RAMP3: variants seen among roughly 807,000 people sequenced by gnomAD.
RAMP3 encodes the protein receptor activity-modifying protein 3.
RAMP3 carries 14 observed loss-of-function variants against 13.5 expected under a neutral mutation model. That is an observed-to-expected ratio of 1.04 (90% CI 0.69 to 1.63). The LOEUF (loss-of-function observed/expected upper bound fraction) is 1.63. Ranked by LOEUF, RAMP3 falls within the 40% of genes most tolerant of loss-of-function variation. RAMP3 has a pLI of 0.00. For synonymous variants in RAMP3, 106 were observed against 88.3 expected, an observed-to-expected ratio of 1.20 and a Z score of -1.12; for missense variants, 200 against 204.8, an observed-to-expected ratio of 0.98 and a Z score of 0.14.
At chr7:45,159,938 G>T (rs1010503603) in intron 1 of RAMP3, among the ~76,000 whole-genome samples, 1 of 152,188 alleles carries the variant, frequency 6.6e-6, no homozygotes, top group Non-Finnish European at 1.5e-5. Context: ...ATCATTAAAT[G>T]ATGTCCTGCT....
At chr7:45,166,627 A>T (rs1562952551) in intron 1 of RAMP3, among the ~76,000 whole-genome samples, 1 of 151,954 alleles carries the variant, frequency 6.6e-6, no homozygotes, top group Admixed American at 6.6e-5. Context: ...CACTCTCTTG[A>T]TGCTATCCTT....
intron 1 of RAMP3, among the ~76,000 whole-genome samples, chr7:45,174,227 G>A (rs370268524): frequency 3.9e-5 from 6 of 152,152 alleles, no homozygotes; most frequent in East Asian, 3.9e-4. Context: ...CTGGGCATCA[G>A]CCTCTCCATC....
Position 45,184,035 on chromosome 7 carries a change from C to T in RAMP3, c.*623C>T, listed in dbSNP as rs965629364. ...CTGCAGAGTCCATTCCATCATGATG[C>T]TGTGCCCGCTATGGGCTGTGTCCAT... is the stretch of plus-strand genomic sequence containing the variant. On this transcript the variant is annotated 3_prime_UTR_variant, in exon 3 of 3. Transcript: ENST00000242249. 6 of 406,162 alleles carry T rather than the reference C, an allele frequency of 1.5e-5. No homozygotes were observed. Among genetic ancestry groups the T allele is most frequent in the South Asian group, 2.3e-4 (2 of 8,598 alleles). 25.2% of individuals were successfully genotyped at this position (406,162 alleles called of 1,614,324 possible).
At chr7:45,180,314 G>C (rs1033260606) in intron 2 of RAMP3, among the ~76,000 whole-genome samples, 2 of 152,226 alleles carry the variant, frequency 1.3e-5, no homozygotes, top group African/African-American at 4.8e-5. Context: ...ATGCCCTGCA[G>C]CCCAGCTCAG....
At chr7:45,163,435 C>G (rs1785900503) in intron 1 of RAMP3, 1 of 985,182 alleles carries the variant, frequency 1.0e-6, no homozygotes, top group East Asian at 1.1e-4. Flanking sequence ...TTGGGATACA[C>G]AGAAGTGGGA....
chr7:45,175,877 G>A (rs2128657788), intron 1 of RAMP3, among the ~76,000 whole-genome samples: 1 of 152,320 alleles, frequency 6.6e-6, no homozygotes, highest in African/African-American at 2.4e-5. Context: ...CTCTTGAGGA[G>A]TGTCTGGGGC....
At chr7:45,160,056 G>A (rs1785833490) in intron 1 of RAMP3, among the ~76,000 whole-genome samples, 2 of 152,102 alleles carry the variant, frequency 1.3e-5, no homozygotes, top group Non-Finnish European at 2.9e-5. Flanking sequence ...TGGCCGGCCG[G>A]GTGCGGTGGC....
chr7:45,170,699 G>T (rs183156846), intron 1 of RAMP3, among the ~76,000 whole-genome samples: 2 of 152,074 alleles, frequency 1.3e-5, no homozygotes, highest in African/African-American at 4.8e-5. Flanking sequence ...AGGCTGGAGT[G>T]CAATGGTGTG....
Position 45,183,526 on chromosome 7 carries a change from G to A in RAMP3, c.*114G>A. 2.7e-6 allele frequency: 4 copies of A among 1,461,294 alleles called. No homozygotes were observed. Among genetic ancestry groups the A allele is most frequent in the Non-Finnish European group, 1.9e-6 (2 of 1,073,312 alleles). The allele number at this position is 1,461,294 out of a possible 1,614,324, so 90.5% of individuals were successfully genotyped here. On this transcript the variant is annotated 3_prime_UTR_variant, in exon 3 of 3. Coordinates refer to ENST00000242249, the MANE Select transcript of RAMP3 (RefSeq NM_005856.3). ...CAGCTACTGTGGCCACACCCCACCT[G>A]GTCATGGGCAGACCCCTCCCTTCCT...
chr7:45,181,008 C>T (rs1786298392), intron 2 of RAMP3, among the ~76,000 whole-genome samples: 1 of 152,254 alleles, frequency 6.6e-6, no homozygotes, highest in African/African-American at 2.4e-5. Context: ...GTGCTCAGCT[C>T]TGCCCCAAAC....
intron 1 of RAMP3, among the ~76,000 whole-genome samples, chr7:45,165,028 G>A (rs1047574586): frequency 3.3e-5 from 5 of 151,820 alleles, no homozygotes; most frequent in Non-Finnish European, 7.4e-5. Flanking sequence ...CTCCTTTTCT[G>A]CCTTCTTTTG....
intron 1 of RAMP3, among the ~76,000 whole-genome samples, chr7:45,165,344 A>G (rs1785939056): frequency 6.6e-6 from 1 of 152,234 alleles, no homozygotes; most frequent in Non-Finnish European, 1.5e-5. Context: ...GAATTTAGAC[A>G]TTGAGAAAAA....
chr7:45,183,598 C>T lies in RAMP3; in HGVS notation c.*186C>T. 1.3e-6 allele frequency: 1 copy of T among 793,430 alleles called. No homozygotes were observed. The highest frequency in any genetic ancestry group is 1.7e-5 in the South Asian group (1 of 57,374). The allele number at this position is 793,430 out of a possible 1,614,324, so 49.1% of individuals were successfully genotyped here. A position where few individuals can be genotyped will look rare whatever the true frequency, so the allele number is the denominator to read the frequency against. On this transcript the variant is annotated 3_prime_UTR_variant, in exon 3 of 3. Coordinates refer to ENST00000242249, the MANE Select transcript of RAMP3 (RefSeq NM_005856.3). ...GCCAGCCTGCTCCCTGGCTGAGGCTCAGGCTATCCGCCCAAGCTCTTTGCT... is the reference window on the plus strand; with the variant it reads ...GCCAGCCTGCTCCCTGGCTGAGGCTTAGGCTATCCGCCCAAGCTCTTTGCT...
chr7:45,179,232 C>T (rs1045791947), intron 2 of RAMP3, among the ~76,000 whole-genome samples: 2 of 152,132 alleles, frequency 1.3e-5, no homozygotes, highest in Non-Finnish European at 2.9e-5. Flanking sequence ...GCTGTCCTTT[C>T]TGAGGAGTGA....
intron 1 of RAMP3, 130 bp downstream of exon 1, chr7:45,158,016 G>A: frequency 1.1e-6 from 1 of 928,186 alleles, no homozygotes. Context: ...GGGGCGCACA[G>A]TGACCCTGGC....
intron 1 of RAMP3, among the ~76,000 whole-genome samples, chr7:45,169,869 A>T (rs1417124139): frequency 6.6e-6 from 1 of 152,228 alleles, no homozygotes; most frequent in East Asian, 1.9e-4. Context: ...TCAGAATCTG[A>T]GGTGTACTAG....
At chr7:45,163,434 A>C in intron 1 of RAMP3, 8 of 985,448 alleles carry the variant, frequency 8.1e-6, no homozygotes, top group Non-Finnish European at 9.6e-6. Context: ...CTTGGGATAC[A>C]CAGAAGTGGG....
At position 45,160,370 on chromosome 7, in the gene RAMP3, A is replaced by G. The variant is rs1188354195; in HGVS notation, c.58+2484A>G. Among the ~76,000 whole-genome samples, 13 of 130,934 alleles carry G rather than the reference A, an allele frequency of 9.9e-5. 1 individual carries two copies. Among genetic ancestry groups the G allele is most frequent in the African/African-American group, 4.2e-4 (13 of 31,064 alleles). The allele number at this position is 130,934 out of a possible 152,430, so 85.9% of individuals were successfully genotyped here. On this transcript the variant is annotated intron_variant, in intron 1 of 2. Coordinates refer to ENST00000242249, the MANE Select transcript of RAMP3 (RefSeq NM_005856.3). ...AAAAAAAAAAAAAAAAAAAAAAAAA[A>G]AGACTTGAAGGTGGTGATTGGCCAA... is the stretch of plus-strand genomic sequence containing the variant.
chr7:45,163,843 C>T (rs754122485), intron 1 of RAMP3: 26 of 985,248 alleles, frequency 2.6e-5, no homozygotes, highest in South Asian at 4.7e-5. Context: ...CAGAAGGACA[C>T]GGGCCTCCAT....
Sources: allele counts gnomAD v4.1 joint callset (sites outside exome capture counted in the v4.1 genomes callset), GRCh38; gene constraint gnomAD v4.1.1; transcripts MANE v1.5; gene names NCBI Gene and HGNC (gene_info 2026-07-23, HGNC 2026-07-21).